Variants in ENOX1 observed in about 807,000 individuals in gnomAD.
ENOX1 encodes the protein candidate growth-related and time keeping constitutive hydroquinone (NADH) oxidase.
A neutral mutation model predicts 82.5 loss-of-function variants in ENOX1; 42 were observed. The ratio of observed to expected loss-of-function variants is 0.51; its 90% CI spans 0.40 to 0.66. The LOEUF (loss-of-function observed/expected upper bound fraction) is 0.66. Ranked by LOEUF, ENOX1 falls within the 30% of genes least tolerant of loss-of-function variation. The pLI, the probability that ENOX1 is intolerant of heterozygous loss-of-function variation, is 0.00. For missense variants in ENOX1, 608 were observed against 811.6 expected (o/e 0.75, Z 3.05); for synonymous variants, 271 against 282.2 (o/e 0.96, Z 0.40).
intron 9 of ENOX1, among the ~76,000 whole-genome samples, chr13:43,329,329 G>T (rs1309403225): frequency 6.6e-6 from 1 of 152,164 alleles, no homozygotes; most frequent in Non-Finnish European, 1.5e-5. Flanking sequence ...GTGTGGCACA[G>T]GCAGTCATTT....
intron 2 of ENOX1, among the ~76,000 whole-genome samples, chr13:43,579,324 G>C (rs1364112745): frequency 6.6e-6 from 1 of 152,164 alleles, no homozygotes; most frequent in African/African-American, 2.4e-5. Flanking sequence ...TTATCCACTT[G>C]ATGGAGATAT....
At chr13:43,544,487 A>AT (rs1031353758) in intron 2 of ENOX1, 1 of 152,136 alleles carries the variant, frequency 6.6e-6, no homozygotes, top group Non-Finnish European at 1.5e-5. Flanking sequence ...TGAAGAGCCC[A>AT]TTTAATCTCC....
At chr13:43,732,644 AAAG>A (rs1219649598) in intron 1 of ENOX1, among the ~76,000 whole-genome samples, 1 of 152,242 alleles carries the variant, frequency 6.6e-6, no homozygotes, top group African/African-American at 2.4e-5. Context: ...CAATTACGTC[AAAG>A]AATAGTAAGA....
chr13:43,581,704 T>C (rs1338159851), intron 2 of ENOX1, among the ~76,000 whole-genome samples: 1 of 152,184 alleles, frequency 6.6e-6, no homozygotes, highest in Non-Finnish European at 1.5e-5. Context: ...GAAGACTCTG[T>C]TGGCCTTTAC....
chr13:43,476,767 T>C (rs1190456682), intron 3 of ENOX1, among the ~76,000 whole-genome samples: 1 of 152,084 alleles, frequency 6.6e-6, no homozygotes, highest in African/African-American at 2.4e-5. Flanking sequence ...AGAAGCACTG[T>C]TAGGAAGAAG....
intron 2 of ENOX1, among the ~76,000 whole-genome samples, chr13:43,604,396 C>T (rs1057020209): frequency 1.3e-5 from 2 of 152,082 alleles, no homozygotes; most frequent in African/African-American, 4.8e-5. Context: ...ACACCAAAAC[C>T]TCTTGGATAC....
chr13:43,431,917 C>T (rs756405412), intron 3 of ENOX1, among the ~76,000 whole-genome samples: 1 of 152,160 alleles, frequency 6.6e-6, no homozygotes, highest in Non-Finnish European at 1.5e-5. Context: ...TTTACTGGCT[C>T]TCAGATGCTG....
chr13:43,392,191 C>T (rs1454121995), intron 5 of ENOX1, among the ~76,000 whole-genome samples: 1 of 152,208 alleles, frequency 6.6e-6, no homozygotes, highest in Non-Finnish European at 1.5e-5. Context: ...ATTATTGCAG[C>T]ATTGTATTAT....
At chr13:43,619,483 C>T (rs905973374) in intron 2 of ENOX1, among the ~76,000 whole-genome samples, 6 of 151,260 alleles carry the variant, frequency 4.0e-5, no homozygotes, top group African/African-American at 1.5e-4. Context: ...TTTTCAAATG[C>T]TTTTTTTTGC....
At chr13:43,460,832 A>AAAAAAT (rs2057450870) in intron 3 of ENOX1, among the ~76,000 whole-genome samples, 1 of 19,748 alleles carries the variant, frequency 5.1e-5, no homozygotes, top group Non-Finnish European at 1.1e-4. Context: ...AAAAAAAAAT[A>AAAAAAT]GGGATAGCTC....
intron 14 of ENOX1, among the ~76,000 whole-genome samples, chr13:43,262,522 T>C (rs2044133041): frequency 6.6e-6 from 1 of 152,228 alleles, no homozygotes; most frequent in South Asian, 2.1e-4. Context: ...CTGTCTGCTA[T>C]ATTAAATACT....
chr13:43,653,212 T>G (rs1015115101), intron 2 of ENOX1, among the ~76,000 whole-genome samples: 1 of 152,228 alleles, frequency 6.6e-6, no homozygotes, highest in Non-Finnish European at 1.5e-5. Flanking sequence ...GCTGCAATCA[T>G]GCTACAGAAA....
chr13:43,723,705 C>G (rs959183602), intron 1 of ENOX1, among the ~76,000 whole-genome samples: 1 of 152,076 alleles, frequency 6.6e-6, no homozygotes, highest in African/African-American at 2.4e-5. Context: ...AAGACACTTT[C>G]TGTCCAGGTG....
intron 8 of ENOX1, among the ~76,000 whole-genome samples, chr13:43,351,501 G>C (rs1290685901): frequency 6.8e-6 from 1 of 147,680 alleles, no homozygotes; most frequent in Non-Finnish European, 1.5e-5. Context: ...ATGTATACAT[G>C]TGCCATGCTG....
At chr13:43,595,813 T>C (rs561593031) in intron 2 of ENOX1, among the ~76,000 whole-genome samples, 22 of 152,358 alleles carry the variant, frequency 1.4e-4, no homozygotes, top group African/African-American at 5.3e-4. Context: ...CAGGAGCTAC[T>C]TGCAAATTAG....
chr13:43,667,748 G>C (rs887334870), intron 1 of ENOX1, among the ~76,000 whole-genome samples: 1 of 152,184 alleles, frequency 6.6e-6, no homozygotes, highest in Non-Finnish European at 1.5e-5. Flanking sequence ...CAATAAATGT[G>C]AAGGTCTCAT....
chr13:43,359,501 G>A (rs2050363508), intron 7 of ENOX1, among the ~76,000 whole-genome samples: 1 of 152,168 alleles, frequency 6.6e-6, no homozygotes, highest in Admixed American at 6.5e-5. Context: ...CCAAAAACCT[G>A]AAATTATTCT....
chr13:43,488,582 T>C (rs779676249), intron 2 of ENOX1, among the ~76,000 whole-genome samples: 3 of 152,098 alleles, frequency 2.0e-5, no homozygotes, highest in African/African-American at 7.2e-5. Context: ...AGCTTTGGAA[T>C]TGGGTAATGG....
At chr13:43,310,127 C>CAGGA (rs1243537876) in intron 11 of ENOX1, among the ~76,000 whole-genome samples, 2 of 10,762 alleles carry the variant, frequency 1.9e-4, no homozygotes, top group East Asian at 0.01. Context: ...CGCTTGAACC[C>CAGGA]GGGAGAGGTT....
Sources: gnomAD v4.1 joint callset for allele counts (sites outside exome capture counted in the v4.1 genomes callset) on GRCh38, gnomAD v4.1.1 for gene constraint, MANE v1.5 for transcripts, NCBI Gene and HGNC (gene_info 2026-07-23, HGNC 2026-07-21) for gene names.